The following DYNC2LI1 variants were observed in gnomAD, a reference collection of about 807,000 sequenced individuals.
The protein encoded by DYNC2LI1 is cytoplasmic dynein 2 light intermediate chain 1.
A neutral mutation model predicts 51.9 loss-of-function variants in DYNC2LI1; 45 were observed. The observed-to-expected ratio is 0.87, with a 90% CI of 0.68 to 1.11. DYNC2LI1 has a LOEUF of 1.11. Among genes scored for constraint, DYNC2LI1 ranks in the 50% most tolerant of loss-of-function variants. The pLI is 0.00. For synonymous variants in DYNC2LI1, 130 were observed against 137.8 expected (o/e 0.94, Z 0.40); for missense variants, 490 against 417.4 (o/e 1.17, Z -1.51).
chr2:43,826,807 C>T, the DYNC2LI1 span, among the ~76,000 whole-genome samples: 16 of 152,110 alleles, frequency 1.1e-4, no homozygotes, highest in Non-Finnish European at 2.9e-5. Context: ...CTCAGGGCAC[C>T]CTGTCAGGGA....
chr2:43,800,586 G>T (rs1440836094), intron 8 of DYNC2LI1, among the ~76,000 whole-genome samples: 1 of 152,080 alleles, frequency 6.6e-6, no homozygotes, highest in Non-Finnish European at 1.5e-5. Context: ...GTCCATTTGT[G>T]TGAGTAGCTG....
chr2:43,825,173 C>T, the DYNC2LI1 span, among the ~76,000 whole-genome samples: 2 of 152,138 alleles, frequency 1.3e-5, no homozygotes, highest in Non-Finnish European at 1.5e-5. Flanking sequence ...GTCAGTCCTT[C>T]GATGACCTTG....
the DYNC2LI1 span, chr2:43,827,885 CT>C: frequency 6.4e-7 from 1 of 1,559,582 alleles, no homozygotes; most frequent in Non-Finnish European, 8.7e-7. Context: ...ACACAAACCC[CT>C]TTCCAAATGA....
the DYNC2LI1 span, among the ~76,000 whole-genome samples, chr2:43,815,454 A>T: frequency 1.5e-3 from 223 of 152,334 alleles, 1 homozygote; most frequent in African/African-American, 5.1e-3. Context: ...AAGAAAGTAT[A>T]AAAAAATGTG....
chr2:43,804,898 T>TA lies in DYNC2LI1; in HGVS notation c.900+172dup, dbSNP rs200696232. On this transcript the variant is annotated intron_variant, in intron 11 of 12. Coordinates refer to ENST00000260605, the MANE Select transcript of DYNC2LI1 (RefSeq NM_016008.4). ...AAATGTAAATAGGCACTGTGGGGGT[T>TA]AAAAAAAAAAAAAGGTAAGACATGG... 0.18 allele frequency among the ~76,000 whole-genome samples: 26,086 copies of TA among 144,372 alleles called. 2,311 individuals are homozygous for TA. Among genetic ancestry groups the TA allele is most frequent in the Middle Eastern group, 0.32 (90 of 278 alleles). 94.7% of individuals were successfully genotyped at this position (144,372 alleles called of 152,430 possible).
At chr2:43,802,659 G>A (rs1184113197) in intron 10 of DYNC2LI1, among the ~76,000 whole-genome samples, 1 of 152,062 alleles carries the variant, frequency 6.6e-6, no homozygotes, top group African/African-American at 2.4e-5. Context: ...GTTCATAATT[G>A]CTGAATTTAA....
At chr2:43,827,645 A>G in the DYNC2LI1 span, among the ~76,000 whole-genome samples, 4 of 152,188 alleles carry the variant, frequency 2.6e-5, no homozygotes, top group South Asian at 2.1e-4. Context: ...ATCAAAACTC[A>G]TTGGCTTTCC....
rs186690584 is a variant in DYNC2LI1 at position 43,795,522 on chromosome 2, G to A, written c.508-368G>A. On this transcript the variant is annotated intron_variant, in intron 6 of 12. Transcript: ENST00000260605. ...TGCCTCAAAAGAAAAAAAAAGAGAGGAAGTGTTTTTCATAGGAAATAATGG... is the reference window on the plus strand; with the variant it reads ...TGCCTCAAAAGAAAAAAAAAGAGAGAAAGTGTTTTTCATAGGAAATAATGG... Among the ~76,000 whole-genome samples, 504 of 152,034 alleles carry A rather than the reference G, an allele frequency of 3.3e-3. 6 individuals are homozygous for A. Among genetic ancestry groups the A allele is most frequent in the African/African-American group, 0.012 (484 of 41,446 alleles).
At chr2:43,819,891 AT>A in the DYNC2LI1 span, 2 of 1,613,208 alleles carry the variant, frequency 1.2e-6, no homozygotes, top group Non-Finnish European at 1.7e-6. Context: ...CCCAATCTAA[AT>A]TTTTTGAATT....
At chr2:43,814,405 A>T (rs1666684511), downstream of DYNC2LI1, 1 of 983,466 alleles carries the variant, frequency 1.0e-6, no homozygotes, top group Non-Finnish European at 1.6e-6. Context: ...TTATTTCAAA[A>T]ATACATTTCC....
At chr2:43,777,262 G>A (rs17031499) in intron 2 of DYNC2LI1, among the ~76,000 whole-genome samples, 3,934 of 152,148 alleles carry the variant, frequency 0.026, 113 homozygotes, top group African/African-American at 0.077. Flanking sequence ...TCTCATTAAA[G>A]GAATAATTGA....
At chr2:43,828,083 G>A in the DYNC2LI1 span, 1 of 1,614,048 alleles carries the variant, frequency 6.2e-7, no homozygotes, top group South Asian at 1.1e-5. Flanking sequence ...CTGCCACATG[G>A]CTCAGACTCA....
At chr2:43,796,355 C>T (rs1460185789) in intron 7 of DYNC2LI1, among the ~76,000 whole-genome samples, 1 of 150,690 alleles carries the variant, frequency 6.6e-6, no homozygotes, top group African/African-American at 2.4e-5. Context: ...AAAAAGTCTT[C>T]AACCCAGTCA....
chr2:43,791,007 G>A lies in DYNC2LI1; in HGVS notation c.320+1286G>A, dbSNP rs187485699. Among the ~76,000 whole-genome samples the A allele has an allele frequency of 2.3e-3, 345 of 152,204 alleles. 2 individuals carry two copies. Among genetic ancestry groups the A allele is most frequent in the Non-Finnish European group, 2.0e-3 (136 of 68,014 alleles). ...GAGCCAGTGGATCACTTGAGGTCTG[G>A]AGTTCAAGACCAGCCTGGGCAACAT... On this transcript the variant is annotated intron_variant, in intron 5 of 12. Coordinates refer to ENST00000260605, the MANE Select transcript of DYNC2LI1 (RefSeq NM_016008.4).
At chr2:43,798,671 C>T (rs1222163570) in intron 8 of DYNC2LI1, among the ~76,000 whole-genome samples, 3 of 152,212 alleles carry the variant, frequency 2.0e-5, no homozygotes, top group Non-Finnish European at 2.9e-5. Context: ...GGAGATCAAA[C>T]AAGATCAGGG....
At chr2:43,827,942 TGCCCAGACA>T in the DYNC2LI1 span, 37 of 1,612,332 alleles carry the variant, frequency 2.3e-5, no homozygotes, top group Non-Finnish European at 3.1e-5. Context: ...ACACAGAAGA[TGCCCAGACA>T]GCAGCTAGTA....
At chr2:43,788,608 TC>T (rs1673631804) in intron 4 of DYNC2LI1, among the ~76,000 whole-genome samples, 1 of 152,108 alleles carries the variant, frequency 6.6e-6, no homozygotes. Flanking sequence ...GAATCAGTGG[TC>T]CTTTTTCTTT....
chr2:43,817,441 T>C, the DYNC2LI1 span, among the ~76,000 whole-genome samples: 5 of 150,272 alleles, frequency 3.3e-5, no homozygotes, highest in East Asian at 8.1e-4. Context: ...GCCGAGATCG[T>C]GCCATTGCAT....
At chr2:43,818,419 G>C in the DYNC2LI1 span, among the ~76,000 whole-genome samples, 11 of 152,166 alleles carry the variant, frequency 7.2e-5, no homozygotes, top group Non-Finnish European at 1.5e-5. Context: ...ACTTCAGCCT[G>C]GGCGGCAGAG....
Sources: allele counts gnomAD v4.1 joint callset (sites outside exome capture counted in the v4.1 genomes callset), GRCh38; gene constraint gnomAD v4.1.1; transcripts MANE v1.5; gene names NCBI Gene and HGNC (gene_info 2026-07-23, HGNC 2026-07-21).